The following HDAC9 variants were observed in gnomAD, a reference collection of about 807,000 sequenced individuals.
HDAC9 encodes histone deacetylase 9.
In HDAC9, 41 loss-of-function variants were observed where a neutral mutation model predicts 139.4. That is an observed-to-expected ratio of 0.29 (90% CI 0.23 to 0.38). HDAC9 has a LOEUF of 0.38. Among genes scored for constraint, HDAC9 ranks in the 10% least tolerant of loss-of-function variants. The pLI is 1.00. For synonymous variants in HDAC9, 517 were observed against 476.2 expected, an observed-to-expected ratio of 1.09 and a Z score of -1.12; for missense variants, 1,147 against 1,297.0, an observed-to-expected ratio of 0.88 and a Z score of 1.78.
In HDAC9 at chr7:18,411,230, C is replaced by T. The variant is rs909805431; in HGVS notation, c.-41-85032C>T. ...CTACTTTCTATATATAGATAGTCCC[C>T]GATGTTTGATGGTTTGACGTAAGAT... On this transcript the variant is annotated intron_variant, in intron 1 of 3. Transcript: ENST00000413509. Among the ~76,000 whole-genome samples, 5 of 152,022 alleles carry T rather than the reference C, an allele frequency of 3.3e-5. No homozygotes were observed. The South Asian group carries it at 8.3e-4, about 25-fold the overall frequency.
intron 6 of HDAC9, among the ~76,000 whole-genome samples, chr7:18,613,941 C>G (rs992448247): frequency 6.6e-6 from 1 of 152,096 alleles, no homozygotes; most frequent in Non-Finnish European, 1.5e-5. Flanking sequence ...CCACCGCGTC[C>G]TTTAAATATG....
Position 18,937,494 on chromosome 7 carries a change from G to C in HDAC9, c.2937+1552G>C, listed in dbSNP as rs867508430. On this transcript the variant is annotated intron_variant, in intron 23 of 25. Transcript: ENST00000686413. ...TCTGTGATCCCTGTACACCAATAAT[G>C]TCAAACAGGATGTTGAGTGTTTTTT... 1.0e-3 allele frequency among the ~76,000 whole-genome samples: 158 copies of C among 152,254 alleles called. 1 individual carries two copies. The Middle Eastern group carries it at 0.021, about 20-fold the overall frequency.
At chr7:18,946,036 CAAAAAAAAAAAAAAAAAAAAAAAAA>C (rs1171055959) in intron 23 of HDAC9, among the ~76,000 whole-genome samples, 2 of 38,260 alleles carry the variant, frequency 5.2e-5, no homozygotes, top group African/African-American at 1.5e-4. Context: ...GACTCCGTCT[CAAAAAAAAAAAAAAAAAAAAAAAAA>C]AAAAAAAAAA....
chr7:18,618,917 A>G (rs1839454439), intron 6 of HDAC9, among the ~76,000 whole-genome samples: 1 of 151,780 alleles, frequency 6.6e-6, no homozygotes, highest in Non-Finnish European at 1.5e-5. Flanking sequence ...CCAATTCAGA[A>G]GTATACTTTA....
At chr7:18,783,341 G>T (rs913003510) in intron 16 of HDAC9, among the ~76,000 whole-genome samples, 9 of 151,960 alleles carry the variant, frequency 5.9e-5, no homozygotes, top group Admixed American at 3.9e-4. Flanking sequence ...ATTATTATGT[G>T]GTAAGGGGCA....
intron 13 of HDAC9, among the ~76,000 whole-genome samples, chr7:18,736,201 C>G (rs1013104504): frequency 1.3e-5 from 2 of 152,186 alleles, no homozygotes; most frequent in African/African-American, 4.8e-5. Context: ...TTCACTTCCT[C>G]TTTTTCTAAT....
chr7:18,223,916 G>A (rs1792877624), intron 2 of HDAC9, among the ~76,000 whole-genome samples: 3 of 152,000 alleles, frequency 2.0e-5, no homozygotes, highest in African/African-American at 7.2e-5. Flanking sequence ...AAAATTTAAT[G>A]TACAAATTCT....
chr7:18,920,474 A>G (rs1025781455), intron 22 of HDAC9, among the ~76,000 whole-genome samples: 2 of 152,104 alleles, frequency 1.3e-5, no homozygotes, highest in Middle Eastern at 3.2e-3. Flanking sequence ...TCCTAATTGA[A>G]TGCCCTTTAT....
In HDAC9 at chr7:18,259,661, G is replaced by A. The variant is rs112914636; in HGVS notation, c.25+97312G>A. Among the ~76,000 whole-genome samples, 243 of 152,228 alleles carry A rather than the reference G, an allele frequency of 1.6e-3. 1 individual carries two copies. The highest frequency in any genetic ancestry group is 5.5e-3 in the African/African-American group (227 of 41,530). Reference sequence around the variant, plus strand: ...ATTACAGGCGTGAGCCATCATGCCCGGCCAACAAGCCAGTTTTATCCTCAA... The same window carrying A: ...ATTACAGGCGTGAGCCATCATGCCCAGCCAACAAGCCAGTTTTATCCTCAA... On this transcript the variant is annotated intron_variant, in intron 2 of 12. Coordinates refer to the HDAC9 transcript ENST00000417496.
At chr7:18,952,698 T>C (rs1444091865) in intron 23 of HDAC9, among the ~76,000 whole-genome samples, 3 of 152,012 alleles carry the variant, frequency 2.0e-5, no homozygotes, top group Non-Finnish European at 2.9e-5. Context: ...AAGAGAGTGT[T>C]ACTAGACTAA....
At chr7:18,861,087 C>G (rs899187031) in intron 21 of HDAC9, among the ~76,000 whole-genome samples, 1 of 152,082 alleles carries the variant, frequency 6.6e-6, no homozygotes, top group Non-Finnish European at 1.5e-5. Context: ...CATTTGAAAT[C>G]ATAATAAAAT....
At chr7:18,966,346 T>G (rs968970678) in intron 24 of HDAC9, among the ~76,000 whole-genome samples, 1 of 152,190 alleles carries the variant, frequency 6.6e-6, no homozygotes, top group South Asian at 2.1e-4. Flanking sequence ...TTGCTGCCAC[T>G]TGGCACACCA....
chr7:18,696,555 C>T (rs1473653872), intron 12 of HDAC9, among the ~76,000 whole-genome samples: 1 of 151,472 alleles, frequency 6.6e-6, no homozygotes, highest in Non-Finnish European at 1.5e-5. Flanking sequence ...ACAACCTCCA[C>T]CTTCCGGGTT....
At chr7:18,821,058 A>G (rs1470693471) in intron 17 of HDAC9, among the ~76,000 whole-genome samples, 3 of 152,198 alleles carry the variant, frequency 2.0e-5, no homozygotes, top group Admixed American at 6.5e-5. Context: ...TCTGCCTCCA[A>G]AATGGCACTT....
At chr7:18,779,674 G>A (rs545640710) in intron 16 of HDAC9, among the ~76,000 whole-genome samples, 11 of 152,134 alleles carry the variant, frequency 7.2e-5, no homozygotes, top group South Asian at 6.2e-4. Context: ...CTCCCACATG[G>A]TATTATTGTG....
intron 2 of HDAC9, among the ~76,000 whole-genome samples, chr7:18,271,138 G>A (rs1796324971): frequency 6.6e-6 from 1 of 152,132 alleles, no homozygotes; most frequent in Admixed American, 6.5e-5. Context: ...ATTATTCCTT[G>A]TGATTATCTC....
chr7:18,326,830 C>CT (rs1800486535), intron 1 of HDAC9, among the ~76,000 whole-genome samples: 1 of 151,922 alleles, frequency 6.6e-6, no homozygotes, highest in African/African-American at 2.4e-5. Context: ...AATCCGAGGT[C>CT]TTCAGAGTTA....
chr7:18,782,211 T>C (rs532400817), intron 16 of HDAC9, among the ~76,000 whole-genome samples: 1 of 152,188 alleles, frequency 6.6e-6, no homozygotes, highest in African/African-American at 2.4e-5. Flanking sequence ...GGGTGAAATG[T>C]TCAAGGCATC....
At chr7:18,913,244 A>C (rs756440758) in intron 22 of HDAC9, among the ~76,000 whole-genome samples, 13 of 152,212 alleles carry the variant, frequency 8.5e-5, no homozygotes, top group Admixed American at 5.9e-4. Flanking sequence ...TTAATTCGCC[A>C]TGTCTAAAAT....
Sources: allele counts gnomAD v4.1 joint callset (sites outside exome capture counted in the v4.1 genomes callset), GRCh38; gene constraint gnomAD v4.1.1; transcripts MANE v1.5; gene names NCBI Gene and HGNC (gene_info 2026-07-23, HGNC 2026-07-21).